The following TMEM245 variants were observed in gnomAD, a reference collection of about 807,000 sequenced individuals.
TMEM245 encodes the protein transmembrane protein 245.
TMEM245 carries 69 observed loss-of-function variants against 101.2 expected under a neutral mutation model. The ratio of observed to expected loss-of-function variants is 0.68; its 90% CI spans 0.56 to 0.83. The LOEUF (loss-of-function observed/expected upper bound fraction) is 0.83. Ranked by LOEUF, TMEM245 falls within the 40% of genes least tolerant of loss-of-function variation. The pLI, the probability that TMEM245 is intolerant of heterozygous loss-of-function variation, is 0.00. For missense variants in TMEM245, 1,075 were observed against 1,092.8 expected, an observed-to-expected ratio of 0.98 and a Z score of 0.23; for synonymous variants, 537 against 449.8, an observed-to-expected ratio of 1.19 and a Z score of -2.45.
chr9:109,057,474 CG>C, intron 11 of TMEM245, 152 bp from the exon 12 acceptor site: 2 of 884,752 alleles, frequency 2.3e-6, no homozygotes, highest in Admixed American at 3.1e-5. Context: ...CAGCTAAGGC[CG>C]GGTGCGGTGG....
chr9:109,018,165 T>G lies in TMEM245; in HGVS notation c.*2295A>C, dbSNP rs1827503473. The G allele has an allele frequency of 6.6e-6, 1 of 152,230 alleles. No individual in the cohort carries two copies. Among genetic ancestry groups the G allele is most frequent in the Non-Finnish European group, 1.5e-5 (1 of 68,042 alleles). The allele number at this position is 152,230 out of a possible 1,614,324, so 9.4% of individuals were successfully genotyped here. On this transcript the variant is annotated 3_prime_UTR_variant, in exon 18 of 18. Transcript: ENST00000374586. The stretch of plus-strand genomic sequence containing the variant: ...ATCACTTTATACAGCTAAAATCACT[T>G]TGTATATGTATAGTAACTCATTGTA...
intron 5 of TMEM245, among the ~76,000 whole-genome samples, chr9:109,090,026 G>A (rs1292763313): frequency 3.3e-5 from 5 of 151,816 alleles, no homozygotes; most frequent in Non-Finnish European, 7.4e-5. Flanking sequence ...TTTGGGAGGC[G>A]GAGGTGAGCG....
intron 5 of TMEM245, among the ~76,000 whole-genome samples, chr9:109,089,233 C>CAAAAAAAAAAA (rs5899834): frequency 7.1e-6 from 1 of 140,554 alleles, no homozygotes; most frequent in Non-Finnish European, 1.5e-5. Context: ...GACCTTGTCT[C>CAAAAAAAAAAA]AAAAAAAAAA....
At chr9:109,042,625 C>T (rs1828345525) in intron 14 of TMEM245, 1 of 152,046 alleles carries the variant, frequency 6.6e-6, no homozygotes, top group Admixed American at 6.6e-5. Flanking sequence ...TTCATTCTGA[C>T]TCTCCTGCCT....
intron 3 of TMEM245, among the ~76,000 whole-genome samples, chr9:109,099,809 C>CA (rs2132610682): frequency 6.6e-6 from 1 of 152,168 alleles, no homozygotes; most frequent in East Asian, 1.9e-4. Flanking sequence ...TTGCCGTTAC[C>CA]ACAGTATTAA....
chr9:109,031,263 T>C (rs772568615), intron 17 of TMEM245, among the ~76,000 whole-genome samples: 9 of 152,206 alleles, frequency 5.9e-5, no homozygotes, highest in Non-Finnish European at 7.3e-5. Context: ...CCAAAAGACA[T>C]GTACAAAAAC....
chr9:109,104,203 T>C (rs1259570044), intron 3 of TMEM245, among the ~76,000 whole-genome samples: 1 of 152,204 alleles, frequency 6.6e-6, no homozygotes, highest in Admixed American at 6.5e-5. Context: ...ATTGGATTAT[T>C]TATAACAAAG....
rs566543962 is a variant in TMEM245 at position 109,060,009 on chromosome 9, A to G, written c.1722+345T>C. Among the ~76,000 whole-genome samples, 8 of 152,344 alleles carry G rather than the reference A, an allele frequency of 5.3e-5. No individual in the cohort carries two copies. In the East Asian group the frequency reaches 1.5e-3, roughly 29 times the overall value. On this transcript the variant is annotated intron_variant, in intron 11 of 17. Transcript: ENST00000374586. ...TATTGGGTTAAATAAAATATCACTA[A>G]AAAACTAAAACAGGTAAAATTCGTT...
In TMEM245 at chr9:109,033,436, C is replaced by T. The variant is rs767101786; in HGVS notation, c.2465G>A (p.Gly822Glu). 4 of 1,614,046 alleles carry T rather than the reference C, an allele frequency of 2.5e-6. No individual in the cohort carries two copies. Among genetic ancestry groups the T allele is most frequent in the Non-Finnish European group, 2.5e-6 (3 of 1,179,964 alleles). ...GAGAAGAATAGGACCGATGATTGCT[C>T]CTTCCAGGCCTAGGTAGTATGCTCC... is the stretch of plus-strand genomic sequence containing the variant. Reference protein sequence around the residue: ...AGGAYYLGLEGAIIGPILLCI... With the variant: ...AGGAYYLGLEEAIIGPILLCI... The change falls in exon 17 of 18, where the codon GGA becomes GAA. Residue 822 changes from glycine to glutamate, a missense_variant. Physicochemically the swap from Gly to Glu is moderately conservative, Grantham distance 98. Coordinates refer to ENST00000374586, the MANE Select transcript of TMEM245 (RefSeq NM_032012.4).
intron 4 of TMEM245, among the ~76,000 whole-genome samples, chr9:109,091,647 C>A (rs1324677624): frequency 6.6e-6 from 1 of 152,054 alleles, no homozygotes; most frequent in Non-Finnish European, 1.5e-5. Flanking sequence ...GGCTTTCAAA[C>A]AGAATATATA....
At chr9:109,061,494 T>C (rs778917165) in intron 10 of TMEM245, among the ~76,000 whole-genome samples, 1 of 152,222 alleles carries the variant, frequency 6.6e-6, no homozygotes. Flanking sequence ...CTAACCTTCA[T>C]CTTTAATACT....
At chr9:109,050,530 G>A (rs1193871374) in intron 13 of TMEM245, 40 bp downstream of exon 13, 4 of 1,613,256 alleles carry the variant, frequency 2.5e-6, no homozygotes, top group Middle Eastern at 1.6e-4. Flanking sequence ...TGCTTTAACA[G>A]GGAAGGAAAT....
intron 8 of TMEM245, among the ~76,000 whole-genome samples, chr9:109,078,704 G>C (rs1829587972): frequency 6.6e-6 from 1 of 152,168 alleles, no homozygotes; most frequent in African/African-American, 2.4e-5. Context: ...GTTTGACTAT[G>C]ATGTAGCTAG....
intron 3 of TMEM245, among the ~76,000 whole-genome samples, chr9:109,101,484 T>C (rs1437120611): frequency 6.6e-6 from 1 of 152,146 alleles, no homozygotes; most frequent in Non-Finnish European, 1.5e-5. Context: ...GTTCTGATTC[T>C]TAAAAAGAAA....
Position 109,093,556 on chromosome 9 carries a change from C to A in TMEM245, c.835G>T (p.Ala279Ser). The A allele has an allele frequency of 6.2e-7, 1 of 1,614,120 alleles. No homozygotes were observed. Among genetic ancestry groups the A allele is most frequent in the Non-Finnish European group, 8.5e-7 (1 of 1,180,000 alleles). The change falls in exon 4 of 18, where the codon GCT (alanine) becomes TCT (serine). Residue 279 changes from alanine to serine, a missense_variant. Transcript: ENST00000374586. The stretch of plus-strand genomic sequence containing the variant: ...ATGGCCAAGTTTGCCAGAGTAGAAG[C>A]TGCCATGGAGATAACCTGCCCTGGT... ...ELPGQVISMA[A>S]STLANLAISI...
intron 9 of TMEM245, among the ~76,000 whole-genome samples, chr9:109,070,180 C>A (rs879672089): frequency 4.6e-5 from 7 of 152,132 alleles, no homozygotes; most frequent in Non-Finnish European, 8.8e-5. Context: ...AAGATCCAAC[C>A]CAGACCTCTC....
chr9:109,091,265 A>G (rs1052789381), intron 4 of TMEM245, 110 bp from the exon 5 acceptor site: 11 of 933,170 alleles, frequency 1.2e-5, no homozygotes, highest in Non-Finnish European at 1.8e-5. Context: ...ATGTGCTGAT[A>G]TGGTATGATT....
intron 4 of TMEM245, 108 bp downstream of exon 4, chr9:109,093,367 G>C: frequency 2.3e-6 from 2 of 854,406 alleles, no homozygotes; most frequent in Non-Finnish European, 1.9e-6. Context: ...ATAAATGAAG[G>C]ATCAGCAGGA....
intron 14 of TMEM245, chr9:109,046,354 G>A (rs2132369613): frequency 1.9e-6 from 1 of 517,800 alleles, no homozygotes; most frequent in East Asian, 5.6e-5. Flanking sequence ...TATACATTCA[G>A]GAGACAACAT....
Sources: allele counts gnomAD v4.1 joint callset (sites outside exome capture counted in the v4.1 genomes callset), GRCh38; gene constraint gnomAD v4.1.1; transcripts MANE v1.5; gene names NCBI Gene and HGNC (gene_info 2026-07-23, HGNC 2026-07-21).